Variants in PLAAT3 observed in about 807,000 individuals in gnomAD.
PLAAT3 encodes the protein phospholipase A and acyltransferase 3.
A neutral mutation model predicts 16.7 loss-of-function variants in PLAAT3; 21 were observed. The ratio of observed to expected loss-of-function variants is 1.26; its 90% CI spans 0.89 to 1.81. The LOEUF is 1.81. PLAAT3 is among the 40% of genes most tolerant of loss of function. PLAAT3 has a pLI of 0.00. For synonymous variants in PLAAT3, 76 were observed against 81.7 expected (o/e 0.93, Z 0.38); for missense variants, 219 against 213.7 (o/e 1.02, Z -0.16).
intron 2 of PLAAT3, among the ~76,000 whole-genome samples, chr11:63,601,760 G>A (rs993178898): frequency 3.9e-5 from 6 of 152,164 alleles, no homozygotes; most frequent in Non-Finnish European, 8.8e-5. Flanking sequence ...CGGATCACCC[G>A]AGGTCAGGAG....
Position 63,602,546 on chromosome 11 carries a change from C to A in PLAAT3, c.16-4383G>T, listed in dbSNP as rs74552743. Among the ~76,000 whole-genome samples, 1,210 of 149,866 alleles carry A rather than the reference C, an allele frequency of 8.1e-3. 13 individuals carry two copies. The highest frequency in any genetic ancestry group is 0.028 in the African/African-American group (1,128 of 40,764). On this transcript the variant is annotated intron_variant, in intron 2 of 4. Coordinates refer to ENST00000415826, the MANE Select transcript of PLAAT3 (RefSeq NM_001128203.2). ...TTCATGGGCCAAATTTGGACCTCTG[C>A]CTGCAAGAGGTCTGCCTGCAAGCTA...
At chr11:63,615,124 G>A (rs1173950646), upstream of PLAAT3, among the ~76,000 whole-genome samples, 4 of 89,708 alleles carry the variant, frequency 4.5e-5, no homozygotes, top group African/African-American at 1.5e-4. Context: ...ATATATGTGT[G>A]TATATATGTA....
At chr11:63,604,566 C>A (rs1938510430) in intron 2 of PLAAT3, among the ~76,000 whole-genome samples, 2 of 152,086 alleles carry the variant, frequency 1.3e-5, no homozygotes, top group Non-Finnish European at 1.5e-5. Flanking sequence ...AGTTTGAGAC[C>A]AGCCTGGCCA....
At chr11:63,588,977 C>CA (rs58090843) in intron 4 of PLAAT3, among the ~76,000 whole-genome samples, 4,559 of 46,942 alleles carry the variant, frequency 0.097, 169 homozygotes, top group Non-Finnish European at 0.15. Context: ...ATGAGCCAAG[C>CA]AAAAAAAAAA....
intron 3 of PLAAT3, among the ~76,000 whole-genome samples, chr11:63,596,525 C>A (rs186767557): frequency 6.6e-6 from 1 of 151,792 alleles, no homozygotes; most frequent in East Asian, 1.9e-4. Flanking sequence ...AATCATACAA[C>A]TGACGATAAT....
chr11:63,599,380 T>C (rs557671314), intron 2 of PLAAT3, among the ~76,000 whole-genome samples: 1 of 152,240 alleles, frequency 6.6e-6, no homozygotes, highest in South Asian at 2.1e-4. Flanking sequence ...TTGGTGGCCC[T>C]ACCAGAGACA....
intron 4 of PLAAT3, among the ~76,000 whole-genome samples, chr11:63,578,672 T>C (rs1039802702): frequency 6.6e-6 from 1 of 151,800 alleles, no homozygotes; most frequent in Non-Finnish European, 1.5e-5. Flanking sequence ...TAGCCATATG[T>C]AGAAAGCTGA....
At chr11:63,615,268 GTATATATGTGTA>G (rs1268743750), upstream of PLAAT3, among the ~76,000 whole-genome samples, 14 of 37,148 alleles carry the variant, frequency 3.8e-4, 4 homozygotes, top group African/African-American at 9.3e-4. Context: ...ATATATGTGT[GTATATATGTGTA>G]TATATGTGTA....
chr11:63,596,057 C>T (rs529412048), intron 3 of PLAAT3, among the ~76,000 whole-genome samples: 3 of 151,818 alleles, frequency 2.0e-5, no homozygotes, highest in Admixed American at 2.0e-4. Context: ...CTGGCTAACA[C>T]AGTGAAACCC....
chr11:63,590,418 C>T lies in PLAAT3; in HGVS notation c.119-50G>A, dbSNP rs148710113. 3.7e-5 allele frequency: 58 copies of T among 1,567,702 alleles called. No homozygotes were observed. In the East Asian group the frequency reaches 1.0e-3, roughly 27 times the overall value. On this transcript the variant is annotated intron_variant, in intron 3 of 4. Transcript: ENST00000415826. ...GAGGGATTGGTCCTGGGAAGGGCCA[C>T]GGAGGCTCAGAGCTGGCCCCCAGCC...
chr11:63,595,803 T>A (rs1938273670), intron 3 of PLAAT3, among the ~76,000 whole-genome samples: 1 of 152,162 alleles, frequency 6.6e-6, no homozygotes. Flanking sequence ...GGGTGAGGAA[T>A]TCTCACAAGA....
upstream of PLAAT3, among the ~76,000 whole-genome samples, chr11:63,614,753 C>T (rs1938789916): frequency 6.6e-6 from 1 of 151,748 alleles, no homozygotes; most frequent in South Asian, 2.1e-4. Context: ...CGGTGGCTCA[C>T]GCCTGTAATC....
chr11:63,587,935 C>T (rs951479980), intron 4 of PLAAT3, among the ~76,000 whole-genome samples: 1 of 152,132 alleles, frequency 6.6e-6, no homozygotes, highest in East Asian at 1.9e-4. Context: ...CAAATGTGGC[C>T]GGGCACAGTG....
At chr11:63,577,329 G>A (rs1290814094) in intron 4 of PLAAT3, among the ~76,000 whole-genome samples, 4 of 151,954 alleles carry the variant, frequency 2.6e-5, no homozygotes, top group Admixed American at 2.6e-4. Context: ...CCGCCACCAC[G>A]CCCAGCTAAT....
At chr11:63,615,248 G>A (rs58748864), upstream of PLAAT3, among the ~76,000 whole-genome samples, 13,865 of 26,282 alleles carry the variant, frequency 0.53, 5,459 homozygotes, top group South Asian at 0.72. Flanking sequence ...GTGTATATAT[G>A]TGTGTGTATA....
intron 4 of PLAAT3, among the ~76,000 whole-genome samples, chr11:63,575,703 CAACTA>C (rs1412566947): frequency 6.6e-6 from 1 of 152,102 alleles, no homozygotes; most frequent in Non-Finnish European, 1.5e-5. Flanking sequence ...TCCTGAAACT[CAACTA>C]AAAGTAAACT....
chr11:63,589,985 A>C, intron 4 of PLAAT3, 115 bp downstream of exon 4: 43 of 844,232 alleles, frequency 5.1e-5, no homozygotes, highest in East Asian at 9.7e-5. Context: ...CCTCAAGGGC[A>C]GTAATTCTGT....
At chr11:63,592,543 A>G (rs747525186) in intron 3 of PLAAT3, among the ~76,000 whole-genome samples, 1 of 152,224 alleles carries the variant, frequency 6.6e-6, no homozygotes, top group Non-Finnish European at 1.5e-5. Flanking sequence ...CAGAAAGAGC[A>G]TGTGGATGTG....
intron 4 of PLAAT3, among the ~76,000 whole-genome samples, chr11:63,589,030 A>G (rs1938061838): frequency 6.6e-6 from 1 of 151,686 alleles, no homozygotes; most frequent in African/African-American, 2.4e-5. Context: ...AAAAATGAGG[A>G]TAATCATGAC....
Sources: allele counts gnomAD v4.1 joint callset (sites outside exome capture counted in the v4.1 genomes callset), GRCh38; gene constraint gnomAD v4.1.1; transcripts MANE v1.5; gene names NCBI Gene and HGNC (gene_info 2026-07-23, HGNC 2026-07-21).